Variants in CAMK2D observed in about 807,000 individuals in gnomAD.
CAMK2D encodes the protein calcium/calmodulin-dependent protein kinase type II subunit delta.
CAMK2D carries 37 observed loss-of-function variants against 84.0 expected under a neutral mutation model. That is an observed-to-expected ratio of 0.44 (90% CI 0.34 to 0.58). CAMK2D has a LOEUF of 0.58. Ranked by LOEUF, CAMK2D falls within the 20% of genes least tolerant of loss-of-function variation. CAMK2D has a pLI of 0.02. For missense variants in CAMK2D, 448 were observed against 652.5 expected, an observed-to-expected ratio of 0.69 and a Z score of 3.41; for synonymous variants, 202 against 212.5, an observed-to-expected ratio of 0.95 and a Z score of 0.43.
chr4:113,726,470 C>T (rs1337434348), intron 2 of CAMK2D, among the ~76,000 whole-genome samples: 1 of 139,674 alleles, frequency 7.2e-6, no homozygotes, highest in Non-Finnish European at 1.5e-5. Flanking sequence ...AAGCCTCAAA[C>T]TCCTGGGCTC....
At chr4:113,474,770 C>T (rs1157523520) in intron 16 of CAMK2D, among the ~76,000 whole-genome samples, 1 of 152,048 alleles carries the variant, frequency 6.6e-6, no homozygotes, top group Non-Finnish European at 1.5e-5. Flanking sequence ...TCTCAGCCTC[C>T]AGAGTAGCTG....
At chr4:113,650,765 C>T (rs950078118) in intron 3 of CAMK2D, among the ~76,000 whole-genome samples, 22 of 152,018 alleles carry the variant, frequency 1.4e-4, no homozygotes, top group Non-Finnish European at 2.9e-4. Flanking sequence ...TGCAAAACTG[C>T]CTATGCCTAT....
At chr4:113,732,207 T>G (rs1482993296) in intron 2 of CAMK2D, among the ~76,000 whole-genome samples, 1 of 152,092 alleles carries the variant, frequency 6.6e-6, no homozygotes, top group African/African-American at 2.4e-5. Flanking sequence ...CAATGTTGCC[T>G]CAAACTTCTG....
chr4:113,544,376 G>A (rs948551637), intron 6 of CAMK2D, among the ~76,000 whole-genome samples: 14 of 152,100 alleles, frequency 9.2e-5, no homozygotes, highest in African/African-American at 2.7e-4. Context: ...TTTTCCTATC[G>A]TTTTGACTCA....
At chr4:113,569,056 T>G (rs2098739540) in intron 4 of CAMK2D, among the ~76,000 whole-genome samples, 1 of 152,130 alleles carries the variant, frequency 6.6e-6, no homozygotes, top group Non-Finnish European at 1.5e-5. Context: ...TCATTAATTT[T>G]TCTTTTTGTA....
chr4:113,742,775 AT>A (rs2099595981), intron 2 of CAMK2D, among the ~76,000 whole-genome samples: 1 of 152,198 alleles, frequency 6.6e-6, no homozygotes, highest in South Asian at 2.1e-4. Context: ...GAAATAGAAT[AT>A]TCATGATGAT....
At chr4:113,504,904 G>T in intron 14 of CAMK2D, 72 bp downstream of exon 14, 1 of 657,088 alleles carries the variant, frequency 1.5e-6, no homozygotes, top group African/African-American at 2.1e-5. Flanking sequence ...TATAGTGAAA[G>T]CAAATGAGAG....
chr4:113,753,496 T>A (rs2099621753), intron 2 of CAMK2D, among the ~76,000 whole-genome samples: 1 of 151,862 alleles, frequency 6.6e-6, no homozygotes. Context: ...AAAGCTGCCC[T>A]CTCTCCTCTT....
In CAMK2D at chr4:113,626,070, C is replaced by T. The variant is rs375379059; in HGVS notation, c.221-16864G>A. 2.7e-5 allele frequency among the ~76,000 whole-genome samples: 4 copies of T among 150,724 alleles called. No homozygotes were observed. In the East Asian group the frequency reaches 5.9e-4, roughly 22 times the overall value. ...AGAGTTTCAAACCAGGGTGGTGACA[C>T]CAAAGGTACAATGAGATCAGATTCT... On this transcript the variant is annotated intron_variant, in intron 3 of 20. Coordinates refer to ENST00000511664, the MANE Select transcript of CAMK2D (RefSeq NM_001321571.2).
intron 2 of CAMK2D, among the ~76,000 whole-genome samples, chr4:113,700,198 C>T (rs1330129357): frequency 1.3e-5 from 2 of 152,084 alleles, no homozygotes; most frequent in Non-Finnish European, 2.9e-5. Flanking sequence ...ATTTCCCTGC[C>T]CCCAAGAAGG....
intron 2 of CAMK2D, among the ~76,000 whole-genome samples, chr4:113,694,618 G>A (rs1475770529): frequency 6.6e-6 from 1 of 152,120 alleles, no homozygotes. Context: ...GGACAGATAG[G>A]AGGGGCAGAT....
At chr4:113,527,311 C>A (rs2098425627) in intron 8 of CAMK2D, among the ~76,000 whole-genome samples, 1 of 151,490 alleles carries the variant, frequency 6.6e-6, no homozygotes, top group Non-Finnish European at 1.5e-5. Flanking sequence ...CCTATGTTGC[C>A]CAGGCTGGTC....
intron 3 of CAMK2D, among the ~76,000 whole-genome samples, chr4:113,654,031 A>G (rs2099187895): frequency 6.6e-6 from 1 of 152,052 alleles, no homozygotes; most frequent in African/African-American, 2.4e-5. Flanking sequence ...TGTGGTTAAA[A>G]TATTACTTTT....
At chr4:113,491,915 T>C (rs1453817568) in intron 16 of CAMK2D, among the ~76,000 whole-genome samples, 1 of 152,202 alleles carries the variant, frequency 6.6e-6, no homozygotes, top group Non-Finnish European at 1.5e-5. Flanking sequence ...CTAGATTTTC[T>C]AGTTTATTTG....
At chr4:113,608,002 T>C (rs2098985236) in intron 4 of CAMK2D, among the ~76,000 whole-genome samples, 1 of 152,210 alleles carries the variant, frequency 6.6e-6, no homozygotes, top group Non-Finnish European at 1.5e-5. Flanking sequence ...GAGAAGCAGT[T>C]CTAATTAAGG....
intron 15 of CAMK2D, among the ~76,000 whole-genome samples, chr4:113,502,452 C>A (rs2352600): frequency 0.58 from 75,527 of 130,334 alleles, 20,487 homozygotes; most frequent in Middle Eastern, 0.65. Flanking sequence ...ATTAAGAAAC[C>A]AAAAACCAAA....
intron 6 of CAMK2D, among the ~76,000 whole-genome samples, chr4:113,540,134 A>T (rs1590930494): frequency 6.6e-6 from 1 of 152,290 alleles, no homozygotes; most frequent in East Asian, 1.9e-4. Context: ...CATTTTAATC[A>T]GGGCAAGCAC....
intron 13 of CAMK2D, among the ~76,000 whole-genome samples, chr4:113,506,481 G>C (rs2154155665): frequency 6.6e-6 from 1 of 152,114 alleles, no homozygotes; most frequent in South Asian, 2.1e-4. Flanking sequence ...AAAGTGCACA[G>C]AATTTAACAT....
chr4:113,760,855 C>G, intron 1 of CAMK2D, 149 bp downstream of exon 1: 1 of 919,576 alleles, frequency 1.1e-6, no homozygotes. Context: ...ATTAAGACAG[C>G]ACCTTCCCCA....
Sources: allele counts gnomAD v4.1 joint callset (sites outside exome capture counted in the v4.1 genomes callset), GRCh38; gene constraint gnomAD v4.1.1; transcripts MANE v1.5; gene names NCBI Gene and HGNC (gene_info 2026-07-23, HGNC 2026-07-21).